The following CDH8 variants were observed in gnomAD, a reference collection of about 807,000 sequenced individuals.
The protein encoded by CDH8 is cadherin 8, also known as cadherin-8.
In CDH8, 17 loss-of-function variants were observed where a neutral mutation model predicts 68.1. The ratio of observed to expected loss-of-function variants is 0.25; its 90% CI spans 0.17 to 0.37. CDH8 has a LOEUF of 0.37. Among genes scored for constraint, CDH8 ranks in the 10% least tolerant of loss-of-function variants. CDH8 has a pLI of 1.00. For missense variants in CDH8, 763 were observed against 999.3 expected, an observed-to-expected ratio of 0.76 and a Z score of 3.19; for synonymous variants, 372 against 365.1, an observed-to-expected ratio of 1.02 and a Z score of -0.21.
chr16:61,935,035 T>C (rs1964607679), intron 2 of CDH8, among the ~76,000 whole-genome samples: 1 of 152,160 alleles, frequency 6.6e-6, no homozygotes, highest in Non-Finnish European at 1.5e-5. Context: ...TTTTTGCATC[T>C]TTTGCAAAGC....
chr16:61,663,203 C>T (rs376172710), intron 10 of CDH8, among the ~76,000 whole-genome samples: 17 of 152,056 alleles, frequency 1.1e-4, no homozygotes, highest in Middle Eastern at 3.4e-3. Context: ...TTTTCAAGTA[C>T]GTAGACTTGC....
At chr16:61,929,100 G>A (rs1285336087) in intron 2 of CDH8, among the ~76,000 whole-genome samples, 2 of 152,060 alleles carry the variant, frequency 1.3e-5, no homozygotes, top group Non-Finnish European at 2.9e-5. Flanking sequence ...TAGTAGAGAC[G>A]AGGTTTCACC....
intron 2 of CDH8, among the ~76,000 whole-genome samples, chr16:61,942,545 C>T (rs534852877): frequency 1.3e-5 from 2 of 152,088 alleles, no homozygotes; most frequent in South Asian, 2.1e-4. Context: ...GGAGAGGAAA[C>T]GGGCTAAGCT....
chr16:61,755,600 G>A, intron 8 of CDH8, among the ~76,000 whole-genome samples: 1 of 152,080 alleles, frequency 6.6e-6, no homozygotes, highest in East Asian at 1.9e-4. Context: ...TACAGTGGCT[G>A]TGTGCCAATT....
intron 10 of CDH8, among the ~76,000 whole-genome samples, chr16:61,707,089 T>C (rs924054612): frequency 6.6e-6 from 1 of 152,184 alleles, no homozygotes; most frequent in Admixed American, 6.5e-5. Context: ...GTTCAATCAT[T>C]GGCCCATCGA....
At chr16:61,701,884 T>C (rs1964435096) in intron 10 of CDH8, among the ~76,000 whole-genome samples, 1 of 152,256 alleles carries the variant, frequency 6.6e-6, no homozygotes, top group South Asian at 2.1e-4. Flanking sequence ...TTTAACTAAT[T>C]GACAGTCCTT....
At chr16:61,762,126 G>A (rs1057398518) in intron 8 of CDH8, among the ~76,000 whole-genome samples, 2 of 152,168 alleles carry the variant, frequency 1.3e-5, no homozygotes, top group African/African-American at 2.4e-5. Context: ...TGGTGGTGGT[G>A]GACTTCCTCT....
intron 2 of CDH8, among the ~76,000 whole-genome samples, chr16:61,968,317 G>C (rs760224611): frequency 1.3e-5 from 2 of 152,108 alleles, no homozygotes; most frequent in African/African-American, 4.8e-5. Context: ...CTCGTCTATT[G>C]AGTGATGTGT....
At chr16:61,984,834 A>AT (rs1302440632) in intron 2 of CDH8, among the ~76,000 whole-genome samples, 7 of 152,208 alleles carry the variant, frequency 4.6e-5, no homozygotes, top group Admixed American at 1.3e-4. Context: ...CATGAACTTG[A>AT]TTTTTTGCGT....
intron 8 of CDH8, among the ~76,000 whole-genome samples, chr16:61,780,443 T>A (rs1337988919): frequency 6.6e-6 from 1 of 152,214 alleles, no homozygotes; most frequent in African/African-American, 2.4e-5. Context: ...AAGAATGACA[T>A]CTCCATTCTC....
At chr16:61,984,427 C>T (rs1965592627) in intron 2 of CDH8, among the ~76,000 whole-genome samples, 2 of 151,042 alleles carry the variant, frequency 1.3e-5, no homozygotes, top group South Asian at 2.1e-4. Flanking sequence ...GTTTCTTTTT[C>T]CTCATCTTTT....
chr16:61,768,311 C>CTCTCTCTGTGTCTCTCTCT (rs1567461041), intron 8 of CDH8, among the ~76,000 whole-genome samples: 1 of 16,398 alleles, frequency 6.1e-5, no homozygotes, highest in Non-Finnish European at 1.2e-4. Flanking sequence ...TGTGTCTCTC[C>CTCTCTCTGTGTCTCTCTCT]CTTTCTCTCT....
chr16:61,992,828 GT>G (rs2150590740), intron 2 of CDH8, among the ~76,000 whole-genome samples: 1 of 152,138 alleles, frequency 6.6e-6, no homozygotes. Flanking sequence ...CTGCTCAGTT[GT>G]CCGGGCTGGA....
chr16:61,987,376 G>A (rs566891451), intron 2 of CDH8, among the ~76,000 whole-genome samples: 10 of 152,086 alleles, frequency 6.6e-5, no homozygotes, highest in East Asian at 1.9e-4. Flanking sequence ...GCATGGTGGC[G>A]GGTGTCTGTA....
chr16:61,722,708 T>C (rs1180506952), intron 9 of CDH8, among the ~76,000 whole-genome samples: 1 of 150,766 alleles, frequency 6.6e-6, no homozygotes, highest in Admixed American at 6.6e-5. Context: ...TCTAAGATTT[T>C]GTGAATATAT....
At chr16:61,826,000 T>C (rs1425271171) in intron 4 of CDH8, among the ~76,000 whole-genome samples, 1 of 151,894 alleles carries the variant, frequency 6.6e-6, no homozygotes. Flanking sequence ...CTGAAGTTTA[T>C]TTTGAAAATC....
In CDH8 at chr16:61,650,230, T is replaced by C. The variant is rs186738311; in HGVS notation, c.*3378A>G. 3 of 152,228 alleles carry C rather than the reference T, an allele frequency of 2.0e-5. No homozygotes were observed. The East Asian group carries it at 5.8e-4, about 29-fold the overall frequency. 9.4% of individuals were successfully genotyped at this position (152,228 alleles called of 1,614,324 possible). A position where few individuals can be genotyped will look rare whatever the true frequency, so the allele number is the denominator to read the frequency against. ...CCCCCTTAATACTCTTTAATATTCA[T>C]ATATGGATGTTTAAGAGACACTTTG... On this transcript the variant is annotated 3_prime_UTR_variant, in exon 12 of 12. Coordinates refer to ENST00000577390, the MANE Select transcript of CDH8 (RefSeq NM_001796.5).
chr16:61,684,392 T>A (rs963199576), intron 10 of CDH8, among the ~76,000 whole-genome samples: 14 of 151,668 alleles, frequency 9.2e-5, no homozygotes, highest in African/African-American at 2.9e-4. Flanking sequence ...ACCCTGAGAG[T>A]TTTTTATTGG....
At chr16:61,708,387 C>G (rs952002100) in intron 10 of CDH8, among the ~76,000 whole-genome samples, 1 of 152,080 alleles carries the variant, frequency 6.6e-6, no homozygotes, top group African/African-American at 2.4e-5. Context: ...AAAATAGATA[C>G]CCACAGCAGT....
Sources: gnomAD v4.1 joint callset for allele counts (sites outside exome capture counted in the v4.1 genomes callset) on GRCh38, gnomAD v4.1.1 for gene constraint, MANE v1.5 for transcripts, NCBI Gene and HGNC (gene_info 2026-07-23, HGNC 2026-07-21) for gene names.